Variants in ZNF407 observed in about 807,000 individuals in gnomAD.
The protein encoded by ZNF407 is zinc finger protein 407.
A neutral mutation model predicts 131.2 loss-of-function variants in ZNF407; 17 were observed. That is an observed-to-expected ratio of 0.13 (90% CI 0.09 to 0.19). The LOEUF (loss-of-function observed/expected upper bound fraction) is 0.19, where lower values mean the gene tolerates loss of function less well. Ranked by LOEUF, ZNF407 falls within the 10% of genes least tolerant of loss-of-function variation. The pLI is 1.00. For synonymous variants in ZNF407, 1,156 were observed against 1,062.0 expected (o/e 1.09, Z -1.72); for missense variants, 2,681 against 2,830.6 (o/e 0.95, Z 1.20).
In ZNF407 at chr18:74,649,752, G is replaced by T. The variant is rs147799483; in HGVS notation, c.4802+8630G>T. The stretch of plus-strand genomic sequence containing the variant: ...CACTGGCATTCTAATTAGCTTTAAT[G>T]TAGCTCTTAAACTTTTCAGTCTCAC... On this transcript the variant is annotated intron_variant, in intron 3 of 8. Transcript: ENST00000299687. 1.5e-4 allele frequency among the ~76,000 whole-genome samples: 23 copies of T among 152,244 alleles called. No homozygotes were observed. In the East Asian group the frequency reaches 4.2e-3, roughly 28 times the overall value.
At chr18:74,777,740 T>TCG in intron 3 of ZNF407, among the ~76,000 whole-genome samples, 1 of 81,776 alleles carries the variant, frequency 1.2e-5, no homozygotes, top group Admixed American at 1.7e-4. Flanking sequence ...ACTCTCTCTC[T>TCG]CTCTCTCTCT....
At chr18:74,873,505 C>A (rs926183515) in intron 4 of ZNF407, among the ~76,000 whole-genome samples, 9 of 152,100 alleles carry the variant, frequency 5.9e-5, no homozygotes, top group Non-Finnish European at 1.3e-4. Flanking sequence ...AAGAAAGAAA[C>A]CTCTCATAAA....
chr18:74,872,635 T>C (rs1042598467), intron 4 of ZNF407, among the ~76,000 whole-genome samples: 1 of 151,810 alleles, frequency 6.6e-6, no homozygotes, highest in Non-Finnish European at 1.5e-5. Flanking sequence ...TACGTGCTTC[T>C]AGTCCCAGCT....
At chr18:75,013,853 G>A (rs1219395284) in intron 8 of ZNF407, among the ~76,000 whole-genome samples, 1 of 152,026 alleles carries the variant, frequency 6.6e-6, no homozygotes, top group Non-Finnish European at 1.5e-5. Flanking sequence ...TTGCCTTCTA[G>A]AATTACAAAT....
At chr18:74,839,894 GA>G (rs1970608566) in intron 4 of ZNF407, among the ~76,000 whole-genome samples, 1 of 152,120 alleles carries the variant, frequency 6.6e-6, no homozygotes, top group Non-Finnish European at 1.5e-5. Context: ...TCAAAAAACA[GA>G]AAACACCGTT....
intron 1 of ZNF407, among the ~76,000 whole-genome samples, chr18:74,608,416 C>T (rs1029249702): frequency 1.3e-5 from 2 of 150,716 alleles, no homozygotes; most frequent in African/African-American, 2.5e-5. Context: ...TGGCTCATCT[C>T]GGCTCACTGC....
At chr18:75,010,947 A>AGAG (rs1343831094) in intron 8 of ZNF407, among the ~76,000 whole-genome samples, 3 of 152,194 alleles carry the variant, frequency 2.0e-5, no homozygotes, top group African/African-American at 7.2e-5. Flanking sequence ...TAAGAACAAC[A>AGAG]GAGGATGTGG....
intron 2 of ZNF407, among the ~76,000 whole-genome samples, chr18:74,636,938 C>A (rs188564418): frequency 1.3e-5 from 2 of 152,160 alleles, no homozygotes; most frequent in African/African-American, 4.8e-5. Context: ...TGTTCACATG[C>A]GCAGAAAATA....
chr18:74,716,021 G>T (rs1383064337), intron 3 of ZNF407, among the ~76,000 whole-genome samples: 1 of 152,206 alleles, frequency 6.6e-6, no homozygotes, highest in Non-Finnish European at 1.5e-5. Context: ...TAGCAGTATA[G>T]ATCAGGAAAG....
At chr18:74,785,651 A>C (rs1969688850) in intron 4 of ZNF407, among the ~76,000 whole-genome samples, 1 of 152,154 alleles carries the variant, frequency 6.6e-6, no homozygotes, top group African/African-American at 2.4e-5. Context: ...CATCATTGCT[A>C]TTTTTCAAGT....
chr18:74,631,283 G>A lies in ZNF407; in HGVS notation c.264G>A (p.Lys88=). Residue 88 remains lysine, a synonymous_variant, in exon 2 of 9, where the codon AAG becomes AAA. Coordinates refer to ENST00000299687, the MANE Select transcript of ZNF407 (RefSeq NM_017757.3). Reference sequence around the variant, plus strand: ...AGGCAGAGCCCCTTAAATCTGGAAAGCAAGGTATTTGTAGATTAGAAACTT... The same window carrying A: ...AGGCAGAGCCCCTTAAATCTGGAAAACAAGGTATTTGTAGATTAGAAACTT... ...LDEAEPLKSG[K]QGICRLETSE... The A allele has an allele frequency of 1.9e-6, 3 of 1,613,986 alleles. No homozygotes were observed. Among genetic ancestry groups the A allele is most frequent in the Non-Finnish European group, 2.5e-6 (3 of 1,179,892 alleles).
intron 3 of ZNF407, among the ~76,000 whole-genome samples, chr18:74,658,475 A>C (rs1985575826): frequency 6.6e-6 from 1 of 152,142 alleles, no homozygotes; most frequent in South Asian, 2.1e-4. Flanking sequence ...ACTACTATTT[A>C]CATAGATATA....
intron 3 of ZNF407, among the ~76,000 whole-genome samples, chr18:74,711,468 T>C (rs1967760408): frequency 6.6e-6 from 1 of 152,126 alleles, no homozygotes; most frequent in African/African-American, 2.4e-5. Flanking sequence ...TCCGCATAGC[T>C]GGTTTCAAGA....
intron 4 of ZNF407, among the ~76,000 whole-genome samples, chr18:74,833,499 C>T (rs1423430013): frequency 6.6e-6 from 1 of 152,182 alleles, no homozygotes; most frequent in Non-Finnish European, 1.5e-5. Context: ...AAGGTGCCAG[C>T]ACTGCACAGA....
At chr18:74,788,439 T>C (rs1256725819) in intron 4 of ZNF407, among the ~76,000 whole-genome samples, 1 of 152,158 alleles carries the variant, frequency 6.6e-6, no homozygotes, top group Non-Finnish European at 1.5e-5. Context: ...TGCTTTTTAC[T>C]TCTCAGACTT....
chr18:75,050,343 T>C (rs1027132355), intron 8 of ZNF407, among the ~76,000 whole-genome samples: 21 of 152,224 alleles, frequency 1.4e-4, no homozygotes. Context: ...CAAGATTTAA[T>C]AAATTTAAGT....
intron 8 of ZNF407, among the ~76,000 whole-genome samples, chr18:75,016,563 A>G (rs751835922): frequency 4.6e-5 from 7 of 152,128 alleles, no homozygotes; most frequent in Non-Finnish European, 1.0e-4. Flanking sequence ...TTACACAGCA[A>G]GTGAAGTTTA....
chr18:74,926,549 A>C (rs1171198698), intron 8 of ZNF407, among the ~76,000 whole-genome samples: 1 of 152,192 alleles, frequency 6.6e-6, no homozygotes, highest in East Asian at 1.9e-4. Flanking sequence ...CACGCCTGTA[A>C]TCCCAGCACG....
intron 4 of ZNF407, among the ~76,000 whole-genome samples, chr18:74,785,073 C>T (rs550873689): frequency 3.3e-4 from 51 of 152,248 alleles, no homozygotes. Flanking sequence ...CAGAAAACTA[C>T]CAAAGAAGAA....
Sources: gnomAD v4.1 joint callset for allele counts (sites outside exome capture counted in the v4.1 genomes callset) on GRCh38, gnomAD v4.1.1 for gene constraint, MANE v1.5 for transcripts, NCBI Gene and HGNC (gene_info 2026-07-23, HGNC 2026-07-21) for gene names.